The following STAG2 variants were observed in gnomAD, a reference collection of about 807,000 sequenced individuals.
STAG2 encodes the protein cohesin subunit SA-2.
Under a neutral mutation model 108.1 loss-of-function variants are expected in STAG2, and 14 were observed. That is an observed-to-expected ratio of 0.13 (90% CI 0.09 to 0.20). The LOEUF (loss-of-function observed/expected upper bound fraction) is 0.20. Among genes scored for constraint, STAG2 ranks in the 10% least tolerant of loss-of-function variants. STAG2 has a pLI of 1.00. For synonymous variants in STAG2, 307 were observed against 302.7 expected, an observed-to-expected ratio of 1.01 and a Z score of -0.15; for missense variants, 440 against 940.9, an observed-to-expected ratio of 0.47 and a Z score of 6.96.
chrX:124,075,535 A>G (rs2058777792), intron 25 of STAG2, among the ~76,000 whole-genome samples: 1 of 111,917 alleles, frequency 8.9e-6, no homozygotes, highest in Admixed American at 9.5e-5. Flanking sequence ...TGGCCTCCCA[A>G]AGTGCTGGGA....
chrX:124,087,194 A>C (rs1238597118), intron 30 of STAG2, among the ~76,000 whole-genome samples: 1 of 112,026 alleles, frequency 8.9e-6, no homozygotes, highest in Non-Finnish European at 1.9e-5. Context: ...GCAACTTCTG[A>C]ATTCCTATGA....
chrX:123,976,078 G>A (rs890884005), intron 1 of STAG2, among the ~76,000 whole-genome samples: 1 of 111,477 alleles, frequency 9.0e-6, no homozygotes, highest in African/African-American at 3.3e-5. Context: ...GTTCCAGACC[G>A]GCCTGGGCAA....
chrX:123,973,934 G>A (rs2054497126), intron 1 of STAG2, among the ~76,000 whole-genome samples: 1 of 110,905 alleles, frequency 9.0e-6, no homozygotes, highest in Non-Finnish European at 1.9e-5. Context: ...ATAGTCAGTT[G>A]GACTTTGTCA....
At chrX:124,029,011 ATATT>A (rs1556502225) in intron 4 of STAG2, among the ~76,000 whole-genome samples, 2 of 82,497 alleles carry the variant, frequency 2.4e-5, no homozygotes, top group African/African-American at 9.2e-5. Flanking sequence ...ATATATATAT[ATATT>A]TATTTATTTA....
At chrX:124,008,673 A>G (rs1328209143) in intron 1 of STAG2, among the ~76,000 whole-genome samples, 1 of 111,988 alleles carries the variant, frequency 8.9e-6, no homozygotes, top group African/African-American at 3.2e-5. Flanking sequence ...TAATCAGGAT[A>G]GCTAAGCACA....
At chrX:124,058,647 G>C (rs766639873) in intron 15 of STAG2, among the ~76,000 whole-genome samples, 42 of 112,112 alleles carry the variant, frequency 3.7e-4, no homozygotes, top group African/African-American at 1.3e-3. Context: ...AGTTAACACT[G>C]AAATAATCTG....
rs2058246673 is a variant in STAG2 at position 124,057,718 on chromosome X, G to T, written c.1305-148G>T. 6 of 311,768 alleles carry T rather than the reference G, an allele frequency of 1.9e-5. No individual in the cohort carries two copies. The South Asian group carries it at 8.4e-4, about 44-fold the overall frequency. 25.7% of individuals were successfully genotyped at this position (311,768 alleles called of 1,213,427 possible). ...AAGGTTTATAGCAATTATTTGCGTG[G>T]TGTGCCATGTTGGATGATATTGTAC... On this transcript the variant is annotated intron_variant, in intron 14 of 34. Transcript: ENST00000371145.
chrX:124,031,554 T>TG (rs995138537), intron 5 of STAG2, among the ~76,000 whole-genome samples: 24 of 75,997 alleles, frequency 3.2e-4, no homozygotes, highest in Middle Eastern at 8.1e-3. Flanking sequence ...TTTGTTTGTT[T>TG]TTTTTGTTTT....
intron 1 of STAG2, among the ~76,000 whole-genome samples, chrX:123,996,686 A>G (rs2055752046): frequency 8.9e-6 from 1 of 111,965 alleles, no homozygotes; most frequent in Non-Finnish European, 1.9e-5. Context: ...ACTTAGCATA[A>G]TGCATTTGAG....
rs772882211 is a variant in STAG2 at position 124,086,794 on chromosome X, T to C, written c.3277+24T>C. 8.4e-6 allele frequency: 9 copies of C among 1,069,287 alleles called. 1 individual carries two copies. The Admixed American group carries it at 1.0e-4, about 12-fold the overall frequency. 88.1% of individuals were successfully genotyped at this position (1,069,287 alleles called of 1,213,427 possible). A position where few individuals can be genotyped will look rare whatever the true frequency, so the allele number is the denominator to read the frequency against. The stretch of plus-strand genomic sequence containing the variant: ...CAGTAAGGATATAATTTATTCTCTT[T>C]ATATTTATCCCTAATGTTTACCAAC... On this transcript the variant is annotated intron_variant, in intron 30 of 34. Coordinates refer to ENST00000371145, the MANE Select transcript of STAG2 (RefSeq NM_001042750.2).
chrX:124,091,378 G>A (rs1338093174), intron 32 of STAG2, among the ~76,000 whole-genome samples: 3 of 110,542 alleles, frequency 2.7e-5, no homozygotes, highest in African/African-American at 6.6e-5. Context: ...TTCACCCCCC[G>A]CTCCATCATT....
chrX:124,040,873 T>TTTC (rs2057693411), intron 6 of STAG2, among the ~76,000 whole-genome samples: 1 of 97,620 alleles, frequency 1.0e-5, no homozygotes, highest in African/African-American at 3.8e-5. Context: ...TTTTTTTTTT[T>TTTC]TGTGAGACAG....
Position 124,021,388 on chromosome X carries a change from C to T in STAG2, c.-141C>T, listed in dbSNP as rs2056921327. On this transcript the variant is annotated 5_prime_UTR_variant, in exon 2 of 35. Transcript: ENST00000371145. ...TTAGGTGGCCACCGAGTACTAAATTCACTTGGGAATAAAAGAAAAACATAA... is the reference window on the plus strand; with the variant it reads ...TTAGGTGGCCACCGAGTACTAAATTTACTTGGGAATAAAAGAAAAACATAA... 9.0e-6 allele frequency: 1 copy of T among 111,317 alleles called. No individual in the cohort carries two copies. The allele number at this position is 111,317 out of a possible 1,213,427, so 9.2% of individuals were successfully genotyped here. A position where few individuals can be genotyped will look rare whatever the true frequency, so the allele number is the denominator to read the frequency against.
intron 3 of STAG2, among the ~76,000 whole-genome samples, 155 bp downstream of exon 3, chrX:124,022,826 G>C (rs1297481127): frequency 8.9e-6 from 1 of 111,895 alleles, no homozygotes; most frequent in Non-Finnish European, 1.9e-5. Context: ...ACTCATCAAG[G>C]CTCTGTAATA....
chrX:124,001,366 A>T (rs2056033293), intron 1 of STAG2, among the ~76,000 whole-genome samples: 1 of 111,808 alleles, frequency 8.9e-6, no homozygotes, highest in Non-Finnish European at 1.9e-5. Flanking sequence ...CTGAGATTAC[A>T]GGCGTGAGCC....
chrX:124,039,265 C>T (rs1412346338), intron 6 of STAG2, among the ~76,000 whole-genome samples: 1 of 108,493 alleles, frequency 9.2e-6, no homozygotes, highest in African/African-American at 3.4e-5. Context: ...AGGTGATCCT[C>T]CCACCTTAAC....
intron 1 of STAG2, among the ~76,000 whole-genome samples, chrX:123,969,917 G>C (rs1292083113): frequency 2.9e-5 from 3 of 102,829 alleles, no homozygotes; most frequent in African/African-American, 1.1e-4. Flanking sequence ...AAAGTGCTGG[G>C]ATTACAGGCG....
chrX:124,023,238 G>A (rs186984540), intron 3 of STAG2, among the ~76,000 whole-genome samples: 30 of 111,699 alleles, frequency 2.7e-4, no homozygotes, highest in South Asian at 1.5e-3. Flanking sequence ...TCATACTAAG[G>A]TACAGTTTCA....
chrX:124,009,890 C>T (rs1251911636), intron 1 of STAG2, among the ~76,000 whole-genome samples: 1 of 111,388 alleles, frequency 9.0e-6, no homozygotes, highest in Non-Finnish European at 1.9e-5. Flanking sequence ...TTAACATAAG[C>T]TTTGGTGCAT....
Sources: allele counts gnomAD v4.1 joint callset (sites outside exome capture counted in the v4.1 genomes callset), GRCh38; gene constraint gnomAD v4.1.1; transcripts MANE v1.5; gene names NCBI Gene and HGNC (gene_info 2026-07-23, HGNC 2026-07-21).